The following XPO4 variants were observed in gnomAD, a reference collection of about 807,000 sequenced individuals.
XPO4 encodes the protein exportin 4.
Under a neutral mutation model 143.0 loss-of-function variants are expected in XPO4, and 39 were observed. That is an observed-to-expected ratio of 0.27 (90% CI 0.21 to 0.36). The LOEUF is 0.36. XPO4 is among the 10% of genes least tolerant of loss of function. The pLI is 1.00. For synonymous variants in XPO4, 439 were observed against 474.0 expected (o/e 0.93, Z 0.96); for missense variants, 907 against 1,348.0 (o/e 0.67, Z 5.12).
At chr13:20,884,718 T>C (rs1258384884) in intron 1 of XPO4, among the ~76,000 whole-genome samples, 1 of 151,868 alleles carries the variant, frequency 6.6e-6, no homozygotes, top group African/African-American at 2.4e-5. Context: ...TGGCCAAGTA[T>C]TGTATTTTTA....
chr13:20,828,801 G>A lies in XPO4; in HGVS notation c.728-1622C>T, dbSNP rs539470959. On this transcript the variant is annotated intron_variant, in intron 6 of 22. Transcript: ENST00000255305. ...TTAAAAAGGGGGAAAAAATCAGCCC[G>A]TGAACCCTAAGAGCTAACAATATAG... is the stretch of plus-strand genomic sequence containing the variant. Among the ~76,000 whole-genome samples the A allele has an allele frequency of 1.3e-4, 20 of 152,264 alleles. No individual in the cohort carries two copies. In the South Asian group the frequency reaches 3.9e-3, roughly 30 times the overall value.
Position 20,873,100 on chromosome 13 carries a change from T to TTA in XPO4, c.70-4400_70-4399insTA, listed in dbSNP as rs750445870. Among the ~76,000 whole-genome samples, 132 of 49,804 alleles carry TTA rather than the reference T, an allele frequency of 2.7e-3. 3 individuals are homozygous for TTA. In the South Asian group the frequency reaches 0.086, roughly 32 times the overall value. 32.7% of individuals were successfully genotyped at this position (49,804 alleles called of 152,430 possible). ...AGACCCGTGACCATTCCAAGGATCT[T>TTA]CAAAAAAAAAAAAAAACAAGGATGG... On this transcript the variant is annotated intron_variant, in intron 1 of 22. Coordinates refer to ENST00000255305, the MANE Select transcript of XPO4 (RefSeq NM_022459.5).
In XPO4 at chr13:20,800,963, T is replaced by C. The variant is rs747707747; in HGVS notation, c.1845A>G (p.Ser615=). 1 of 1,613,912 alleles carries C rather than the reference T, an allele frequency of 6.2e-7. No individual in the cohort carries two copies. The highest frequency in any genetic ancestry group is 8.5e-7 in the Non-Finnish European group (1 of 1,179,944). The change falls in exon 14 of 23, where the codon TCA becomes TCG. Residue 615 remains serine, a synonymous_variant. Coordinates refer to ENST00000255305, the MANE Select transcript of XPO4 (RefSeq NM_022459.5). The part of the protein sequence containing the change: ...IRLLSAILRV[S]EVESRAIRAD... ...CTCTTATTGCTCGAGATTCAACTTCTGAAACTCTGAGAATGGCAGACAACA... is the reference window on the plus strand; with the variant it reads ...CTCTTATTGCTCGAGATTCAACTTCCGAAACTCTGAGAATGGCAGACAACA...
At chr13:20,785,790 G>C (rs1322995291) in intron 22 of XPO4, among the ~76,000 whole-genome samples, 1 of 139,994 alleles carries the variant, frequency 7.1e-6, no homozygotes, top group Non-Finnish European at 1.5e-5. Context: ...GGGAGAGAGA[G>C]AAATAAAGGA....
At chr13:20,792,033 G>C (rs2141493782) in intron 18 of XPO4, among the ~76,000 whole-genome samples, 1 of 152,314 alleles carries the variant, frequency 6.6e-6, no homozygotes, top group Non-Finnish European at 1.5e-5. Flanking sequence ...TTGACTCCCT[G>C]CTCCAGGTAT....
chr13:20,835,448 G>A (rs1271239139), intron 6 of XPO4, among the ~76,000 whole-genome samples: 1 of 152,136 alleles, frequency 6.6e-6, no homozygotes, highest in Non-Finnish European at 1.5e-5. Context: ...AAGAAGTATG[G>A]ATCATCAAGG....
chr13:20,814,644 A>AAGGC lies in XPO4; in HGVS notation c.1174-4681_1174-4678dup, dbSNP rs554487953. On this transcript the variant is annotated intron_variant, in intron 9 of 22. Coordinates refer to ENST00000255305, the MANE Select transcript of XPO4 (RefSeq NM_022459.5). ...CCACTCTGGCCAAAACCCAGCAGCCAAGGCAGCAGCACGTGCACAGAGATG... is the reference window on the plus strand; with the variant it reads ...CCACTCTGGCCAAAACCCAGCAGCCAAGGCAGGCAGCAGCACGTGCACAGAGATG... Among the ~76,000 whole-genome samples the AAGGC allele has an allele frequency of 8.6e-4, 131 of 152,358 alleles. 3 individuals carry two copies. In the South Asian group the frequency reaches 0.026, roughly 31 times the overall value.
At chr13:20,863,062 G>A (rs1041714187) in intron 2 of XPO4, 8 of 1,266,824 alleles carry the variant, frequency 6.3e-6, no homozygotes, top group African/African-American at 4.5e-5. Flanking sequence ...GCTAATCACC[G>A]ATCACAATTT....
intron 7 of XPO4, among the ~76,000 whole-genome samples, chr13:20,824,832 A>G (rs2059763952): frequency 6.6e-6 from 1 of 152,220 alleles, no homozygotes; most frequent in Admixed American, 6.5e-5. Context: ...GCAAGTAAGG[A>G]AGATGACGAA....
chr13:20,821,650 AC>A, intron 9 of XPO4, 53 bp downstream of exon 9: 1 of 1,544,976 alleles, frequency 6.5e-7, no homozygotes, highest in African/African-American at 1.4e-5. Context: ...TTCCAAAGGC[AC>A]CGCAAATTTC....
intron 21 of XPO4, 102 bp from the exon 22 acceptor site, chr13:20,787,159 T>C: frequency 6.0e-6 from 6 of 1,002,606 alleles, no homozygotes; most frequent in Non-Finnish European, 8.6e-6. Context: ...GTTGTTATTC[T>C]ATTTATTAAA....
rs564027470 is a variant in XPO4, at chr13:20,822,323, A to G, written c.841-34T>C. 113 of 1,583,272 alleles carry G rather than the reference A, an allele frequency of 7.1e-5. No individual in the cohort carries two copies. The East Asian group carries it at 2.0e-3, about 29-fold the overall frequency. The stretch of plus-strand genomic sequence containing the variant: ...AAGAATTACTAATCCATAAATATAA[A>G]TTCTTCCTTTGTAAGGGTCACGTGT... On this transcript the variant is annotated intron_variant, in intron 7 of 22. Transcript: ENST00000255305.
At chr13:20,885,653 A>G (rs964688293) in intron 1 of XPO4, among the ~76,000 whole-genome samples, 6 of 152,204 alleles carry the variant, frequency 3.9e-5, no homozygotes, top group Admixed American at 2.0e-4. Context: ...CAAAGATGGA[A>G]AAAGTCCTCA....
intron 16 of XPO4, among the ~76,000 whole-genome samples, chr13:20,797,478 T>G (rs2059373980): frequency 6.6e-6 from 1 of 152,226 alleles, no homozygotes; most frequent in Non-Finnish European, 1.5e-5. Context: ...CTAATTCCTC[T>G]TGGCACAGAA....
chr13:20,832,548 T>C (rs1335445824), intron 6 of XPO4, among the ~76,000 whole-genome samples: 1 of 152,228 alleles, frequency 6.6e-6, no homozygotes, highest in Admixed American at 6.5e-5. Context: ...AAGTAATAAA[T>C]GCTTTACTCC....
At chr13:20,890,236 G>A (rs1056274128) in intron 1 of XPO4, among the ~76,000 whole-genome samples, 2 of 150,712 alleles carry the variant, frequency 1.3e-5, no homozygotes, top group Non-Finnish European at 2.9e-5. Flanking sequence ...GATCGCTTGA[G>A]CCCAAGGGTT....
Position 20,818,585 on chromosome 13 carries a change from A to C in XPO4, c.1173+3119T>G, listed in dbSNP as rs929083226. Among the ~76,000 whole-genome samples, 6 of 152,238 alleles carry C rather than the reference A, an allele frequency of 3.9e-5. No homozygotes were observed. In the East Asian group the frequency reaches 5.8e-4, roughly 15 times the overall value. ...GAACCTGTTTTCCTACTGGAAAAAGAAGCTTTCAATATTTCACAAAATTAC... is the reference window on the plus strand; with the variant it reads ...GAACCTGTTTTCCTACTGGAAAAAGCAGCTTTCAATATTTCACAAAATTAC... On this transcript the variant is annotated intron_variant, in intron 9 of 22. Coordinates refer to ENST00000255305, the MANE Select transcript of XPO4 (RefSeq NM_022459.5).
At chr13:20,875,440 A>T (rs564936725) in intron 1 of XPO4, among the ~76,000 whole-genome samples, 1 of 152,284 alleles carries the variant, frequency 6.6e-6, no homozygotes, top group Admixed American at 6.5e-5. Flanking sequence ...TGTCCTTTCA[A>T]AAAGAGTCTT....
chr13:20,802,481 A>G (rs1566568147), intron 13 of XPO4, among the ~76,000 whole-genome samples: 1 of 152,224 alleles, frequency 6.6e-6, no homozygotes, highest in East Asian at 1.9e-4. Flanking sequence ...CTCCCAGTAC[A>G]GTAATACATT....
Sources: gnomAD v4.1 joint callset for allele counts (sites outside exome capture counted in the v4.1 genomes callset) on GRCh38, gnomAD v4.1.1 for gene constraint, MANE v1.5 for transcripts, NCBI Gene and HGNC (gene_info 2026-07-23, HGNC 2026-07-21) for gene names.